The following IL6R variants were observed in gnomAD, a reference collection of about 807,000 sequenced individuals.
IL6R encodes interleukin 6 receptor.
In IL6R, 38 loss-of-function variants were observed where a neutral mutation model predicts 48.3. The observed-to-expected ratio is 0.79, with a 90% CI of 0.61 to 1.03. The LOEUF (loss-of-function observed/expected upper bound fraction) is 1.03, where lower values mean the gene tolerates loss of function less well. Among genes scored for constraint, IL6R ranks in the 50% least tolerant of loss-of-function variants. The pLI, the probability that IL6R is intolerant of heterozygous loss-of-function variation, is 0.00. For synonymous variants in IL6R, 264 were observed against 256.2 expected (o/e 1.03, Z -0.29); for missense variants, 534 against 618.3 (o/e 0.86, Z 1.45).
intron 6 of IL6R, among the ~76,000 whole-genome samples, chr1:154,443,911 C>T (rs773408893): frequency 6.6e-6 from 1 of 152,196 alleles, no homozygotes; most frequent in Non-Finnish European, 1.5e-5. Context: ...CACAGATCTC[C>T]CTGCCCTGCT....
intron 1 of IL6R, among the ~76,000 whole-genome samples, chr1:154,427,916 G>T (rs575357804): frequency 6.6e-6 from 1 of 152,346 alleles, no homozygotes; most frequent in African/African-American, 2.4e-5. Context: ...AGTCCCAGGA[G>T]CATGGGCGAG....
chr1:154,413,932 C>T (rs1688185960), intron 1 of IL6R, among the ~76,000 whole-genome samples: 1 of 151,886 alleles, frequency 6.6e-6, no homozygotes, highest in African/African-American at 2.4e-5. Flanking sequence ...TTTCCTGGGA[C>T]TCAAGCGATC....
intron 1 of IL6R, among the ~76,000 whole-genome samples, chr1:154,423,207 C>G (rs955033271): frequency 3.5e-5 from 5 of 142,496 alleles, no homozygotes; most frequent in African/African-American, 1.3e-4. Flanking sequence ...CCTCTCCCTC[C>G]TTCCTAGAAA....
intron 1 of IL6R, among the ~76,000 whole-genome samples, chr1:154,409,385 G>A (rs995127111): frequency 6.6e-6 from 1 of 152,112 alleles, no homozygotes; most frequent in African/African-American, 2.4e-5. Context: ...CCTGAACACA[G>A]CTCATTTTGC....
At position 154,405,840 on chromosome 1, in the gene IL6R, C is replaced by G; in HGVS notation, c.85+126C>G. 1.4e-6 allele frequency: 1 copy of G among 733,424 alleles called. No individual in the cohort carries two copies. The highest frequency in any genetic ancestry group is 2.1e-6 in the Non-Finnish European group (1 of 475,976). 45.4% of individuals were successfully genotyped at this position (733,424 alleles called of 1,614,324 possible). On this transcript the variant is annotated intron_variant, in intron 1 of 9. Coordinates refer to ENST00000368485, the MANE Select transcript of IL6R (RefSeq NM_000565.4). The surrounding 1 kb of genome is among the most constrained non-coding windows in gnomAD (Gnocchi z 5.2). ...GTGCGACGGATCCCCTTTTCTGTGG[C>G]TGCCTTGAGGCCCCGCGGGTACCTA...
At chr1:154,462,625 G>C (rs1691331308) in intron 9 of IL6R, among the ~76,000 whole-genome samples, 1 of 151,854 alleles carries the variant, frequency 6.6e-6, no homozygotes, top group African/African-American at 2.4e-5. Flanking sequence ...TGCCCGCCTA[G>C]GCCTCCCAAA....
chr1:154,413,126 C>T (rs993091804), intron 1 of IL6R, among the ~76,000 whole-genome samples: 7 of 151,892 alleles, frequency 4.6e-5, no homozygotes, highest in Non-Finnish European at 5.9e-5. Context: ...CTCAGCCTCC[C>T]GAGTAGCTGG....
intron 3 of IL6R, among the ~76,000 whole-genome samples, chr1:154,433,033 G>A (rs1012961703): frequency 6.6e-6 from 1 of 152,362 alleles, no homozygotes; most frequent in South Asian, 2.1e-4. Context: ...CAGTGCTGGG[G>A]CAGTGGGAGG....
intron 6 of IL6R, among the ~76,000 whole-genome samples, chr1:154,436,897 T>A (rs1053425684): frequency 6.6e-6 from 1 of 152,238 alleles, no homozygotes; most frequent in African/African-American, 2.4e-5. Flanking sequence ...ACCAGTACTT[T>A]TACTCCCTAG....
At chr1:154,446,298 A>G (rs1690225321) in intron 6 of IL6R, among the ~76,000 whole-genome samples, 2 of 152,034 alleles carry the variant, frequency 1.3e-5, no homozygotes, top group South Asian at 2.1e-4. Flanking sequence ...CCTCTGTACA[A>G]TTGGAAGAGT....
intron 8 of IL6R, among the ~76,000 whole-genome samples, chr1:154,451,794 C>T (rs149920458): frequency 6.6e-6 from 1 of 151,984 alleles, no homozygotes; most frequent in African/African-American, 2.4e-5. Flanking sequence ...CCTCGGTCTC[C>T]CAAAGTGCTG....
intron 9 of IL6R, among the ~76,000 whole-genome samples, chr1:154,463,155 GT>G (rs11289103): frequency 0.68 from 102,029 of 149,022 alleles, 35,941 homozygotes; most frequent in East Asian, 0.82. Flanking sequence ...TGCATAAAGG[GT>G]TTTTTTTTTT....
chr1:154,437,255 C>T (rs922061307), intron 6 of IL6R, among the ~76,000 whole-genome samples: 42 of 152,128 alleles, frequency 2.8e-4, no homozygotes, highest in Admixed American at 2.0e-3. Flanking sequence ...TGCCACCACG[C>T]CCAGCTAATT....
intron 1 of IL6R, among the ~76,000 whole-genome samples, chr1:154,406,762 T>C (rs1687745274): frequency 6.6e-6 from 1 of 152,186 alleles, no homozygotes; most frequent in South Asian, 2.1e-4. Flanking sequence ...AGCTGGAGTG[T>C]CTGAGGCTCT....
rs906817329 is a variant in IL6R, at chr1:154,415,286, G to T, written c.85+9572G>T. On this transcript the variant is annotated intron_variant, in intron 1 of 9. Coordinates refer to ENST00000368485, the MANE Select transcript of IL6R (RefSeq NM_000565.4). Reference sequence around the variant, plus strand: ...AAAAGTTTTAAAAGTTTAAATATTTGATCCATTTTGAATTTATTAATATTA... The same window carrying T: ...AAAAGTTTTAAAAGTTTAAATATTTTATCCATTTTGAATTTATTAATATTA... The T allele has an allele frequency of 5.5e-6, 3 of 544,828 alleles. No individual in the cohort carries two copies. In the East Asian group the frequency reaches 1.0e-4, roughly 18 times the overall value. 33.7% of individuals were successfully genotyped at this position (544,828 alleles called of 1,614,324 possible).
At chr1:154,441,768 C>T (rs188746811) in intron 6 of IL6R, among the ~76,000 whole-genome samples, 167 of 152,236 alleles carry the variant, frequency 1.1e-3, no homozygotes, top group African/African-American at 3.8e-3. Flanking sequence ...CAGGATGCAC[C>T]TGCCTCCCAG....
At chr1:154,454,381 C>G in intron 8 of IL6R, 107 bp from the exon 9 acceptor site, 3 of 728,182 alleles carry the variant, frequency 4.1e-6, no homozygotes, top group Non-Finnish European at 7.1e-6. Context: ...GGGAAGGTTC[C>G]TTTGAGGCTT....
chr1:154,411,392 G>A (rs1352902131), intron 1 of IL6R, among the ~76,000 whole-genome samples: 2 of 152,168 alleles, frequency 1.3e-5, no homozygotes, highest in Non-Finnish European at 2.9e-5. Context: ...ATGCTGATAA[G>A]GAGTTGGATA....
intron 1 of IL6R, among the ~76,000 whole-genome samples, chr1:154,417,133 A>C (rs1423645761): frequency 6.6e-6 from 1 of 151,984 alleles, no homozygotes; most frequent in Non-Finnish European, 1.5e-5. Flanking sequence ...AAAAAATCTG[A>C]CTGAGGGCCA....
Sources: gnomAD v4.1 joint callset for allele counts (sites outside exome capture counted in the v4.1 genomes callset) on GRCh38, gnomAD v4.1.1 for gene constraint, Gnocchi (gnomAD v3.1) non-coding constraint, MANE v1.5 for transcripts, NCBI Gene and HGNC (gene_info 2026-07-23, HGNC 2026-07-21) for gene names.